B3GALT1: variants seen among roughly 807,000 people sequenced by gnomAD.
B3GALT1 encodes the protein beta-1,3-galactosyltransferase 1, also known as UDP-Gal:betaGlcNAc beta 1,3-galactosyltransferase, polypeptide 1.
B3GALT1 carries 10 observed loss-of-function variants against 23.2 expected under a neutral mutation model. That is an observed-to-expected ratio of 0.43 (90% CI 0.27 to 0.73). The LOEUF (loss-of-function observed/expected upper bound fraction) is 0.73, where lower values mean the gene tolerates loss of function less well. Ranked by LOEUF, B3GALT1 falls within the 30% of genes least tolerant of loss-of-function variation. The probability of loss-of-function intolerance (pLI) is 0.21; values close to 1 mark genes in which losing one functional copy is unlikely to be tolerated. For synonymous variants in B3GALT1, 156 were observed against 141.5 expected (o/e 1.10, Z -0.73); for missense variants, 299 against 405.4 (o/e 0.74, Z 2.25).
intron 3 of B3GALT1, among the ~76,000 whole-genome samples, chr2:167,809,445 C>T (rs1038237408): frequency 1.2e-4 from 18 of 152,094 alleles, no homozygotes; most frequent in African/African-American, 2.9e-4. Flanking sequence ...ATGATGGTGA[C>T]GTACAGATGG....
intron 1 of B3GALT1, among the ~76,000 whole-genome samples, chr2:167,383,549 A>G (rs753790626): frequency 2.0e-4 from 31 of 152,202 alleles, no homozygotes; most frequent in Non-Finnish European, 4.0e-4. Flanking sequence ...CCATCATAAA[A>G]AATAACACAT....
chr2:167,344,531 T>C (rs867742911), intron 1 of B3GALT1, among the ~76,000 whole-genome samples: 1 of 152,112 alleles, frequency 6.6e-6, no homozygotes, highest in Non-Finnish European at 1.5e-5. Context: ...TGTTAATCTA[T>C]ATAGGTGCAG....
At chr2:167,346,627 A>C (rs893942341) in intron 1 of B3GALT1, among the ~76,000 whole-genome samples, 1 of 152,192 alleles carries the variant, frequency 6.6e-6, no homozygotes, top group African/African-American at 2.4e-5. Context: ...GAAATATTAC[A>C]GTTATCGTAA....
chr2:167,652,301 T>C (rs528245585), intron 3 of B3GALT1, among the ~76,000 whole-genome samples: 2 of 152,142 alleles, frequency 1.3e-5, no homozygotes, highest in Non-Finnish European at 2.9e-5. Context: ...ACAAGCTTGT[T>C]CTTGTTTTAG....
At chr2:167,780,308 T>TTG (rs1400839922) in intron 3 of B3GALT1, among the ~76,000 whole-genome samples, 1 of 152,202 alleles carries the variant, frequency 6.6e-6, no homozygotes, top group African/African-American at 2.4e-5. Context: ...CTCTCATTTC[T>TTG]TGTGTGTGTA....
At chr2:167,692,202 AAGAG>A (rs1447293921) in intron 3 of B3GALT1, among the ~76,000 whole-genome samples, 1 of 152,082 alleles carries the variant, frequency 6.6e-6, no homozygotes, top group African/African-American at 2.4e-5. Flanking sequence ...AATTAGCAGG[AAGAG>A]AGAGAGTGGA....
chr2:167,295,873 A>T (rs761436550), intron 1 of B3GALT1, among the ~76,000 whole-genome samples: 2 of 152,144 alleles, frequency 1.3e-5, no homozygotes, highest in Non-Finnish European at 2.9e-5. Context: ...ATAATCAAGT[A>T]CAGAGAATTG....
intron 3 of B3GALT1, among the ~76,000 whole-genome samples, chr2:167,705,033 G>A (rs1386898865): frequency 1.3e-5 from 2 of 152,186 alleles, no homozygotes; most frequent in Non-Finnish European, 2.9e-5. Flanking sequence ...AGTGGGAAAA[G>A]CGTGCTATCC....
chr2:167,392,699 G>GT (rs1222212010), intron 1 of B3GALT1, among the ~76,000 whole-genome samples: 1 of 152,062 alleles, frequency 6.6e-6, no homozygotes, highest in African/African-American at 2.4e-5. Flanking sequence ...AAACTTCAGT[G>GT]TTTTTGGGGA....
At chr2:167,520,623 G>C (rs1700173684) in intron 2 of B3GALT1, among the ~76,000 whole-genome samples, 1 of 152,196 alleles carries the variant, frequency 6.6e-6, no homozygotes, top group Non-Finnish European at 1.5e-5. Context: ...TTTTGCTCTT[G>C]ATTGGTTTGC....
rs146833018 is a variant in B3GALT1, at chr2:167,500,961, T to C, written c.-410+10684T>C. Among the ~76,000 whole-genome samples the C allele has an allele frequency of 8.9e-4, 135 of 152,298 alleles. No individual in the cohort carries two copies. In the East Asian group the frequency reaches 9.6e-3, roughly 11 times the overall value. The stretch of plus-strand genomic sequence containing the variant: ...TCTGGGATAGTGAGACCATTAACTA[T>C]AAATTGGATAATTTGGCTTTTTTTC... On this transcript the variant is annotated intron_variant, in intron 2 of 4. Transcript: ENST00000392690.
At chr2:167,718,733 C>G (rs1370045074) in intron 3 of B3GALT1, among the ~76,000 whole-genome samples, 1 of 148,514 alleles carries the variant, frequency 6.7e-6, no homozygotes, top group Admixed American at 6.8e-5. Context: ...ATCTAATGGT[C>G]ATCAACTGGG....
chr2:167,471,699 A>G (rs1217664616), intron 1 of B3GALT1, among the ~76,000 whole-genome samples: 15 of 152,212 alleles, frequency 9.9e-5, no homozygotes. Flanking sequence ...ATATTATTCA[A>G]TATATCTAAA....
chr2:167,829,487 A>G (rs1689297877), intron 4 of B3GALT1, among the ~76,000 whole-genome samples: 1 of 147,116 alleles, frequency 6.8e-6, no homozygotes, highest in African/African-American at 2.5e-5. Flanking sequence ...CATCTCAAGG[A>G]AAAAAAAAAA....
At chr2:167,806,870 G>A (rs931905307) in intron 3 of B3GALT1, among the ~76,000 whole-genome samples, 5 of 152,174 alleles carry the variant, frequency 3.3e-5, no homozygotes, top group African/African-American at 1.2e-4. Context: ...CTATTGATTA[G>A]AATAGTTTCA....
chr2:167,323,692 A>G (rs571382593), intron 1 of B3GALT1, among the ~76,000 whole-genome samples: 2 of 152,272 alleles, frequency 1.3e-5, no homozygotes, highest in South Asian at 2.1e-4. Context: ...ATGTCAGTAT[A>G]TTACTTATAT....
intron 3 of B3GALT1, among the ~76,000 whole-genome samples, chr2:167,695,400 T>C (rs1686777543): frequency 2.0e-5 from 3 of 152,162 alleles, no homozygotes; most frequent in Admixed American, 2.0e-4. Context: ...GAGTAGGTAA[T>C]GAACATATAT....
intron 1 of B3GALT1, among the ~76,000 whole-genome samples, chr2:167,297,375 G>A (rs1321540530): frequency 6.7e-6 from 1 of 148,560 alleles, no homozygotes; most frequent in East Asian, 2.0e-4. Flanking sequence ...TCACATTTAT[G>A]TACCTCTGTA....
intron 3 of B3GALT1, among the ~76,000 whole-genome samples, chr2:167,702,843 A>G (rs2105511052): frequency 6.6e-6 from 1 of 152,368 alleles, no homozygotes; most frequent in South Asian, 2.1e-4. Flanking sequence ...AAGAAAAGCT[A>G]CAAAAGAAAC....
Sources: gnomAD v4.1 joint callset for allele counts (sites outside exome capture counted in the v4.1 genomes callset) on GRCh38, gnomAD v4.1.1 for gene constraint, MANE v1.5 for transcripts, NCBI Gene and HGNC (gene_info 2026-07-23, HGNC 2026-07-21) for gene names.